The following WDR33 variants were observed in gnomAD, a reference collection of about 807,000 sequenced individuals.
The protein encoded by WDR33 is pre-mRNA 3' end processing protein WDR33.
Under a neutral mutation model 164.9 loss-of-function variants are expected in WDR33, and 47 were observed. The observed-to-expected ratio is 0.29, with a 90% CI of 0.23 to 0.36. The LOEUF is 0.36. Ranked by LOEUF, WDR33 falls within the 10% of genes least tolerant of loss-of-function variation. WDR33 has a pLI of 1.00. For missense variants in WDR33, 1,137 were observed against 1,754.1 expected (o/e 0.65, Z 6.28); for synonymous variants, 505 against 589.0 (o/e 0.86, Z 2.06).
chr2:127,805,949 TAAA>T (rs36092212), intron 1 of WDR33, among the ~76,000 whole-genome samples: 1 of 135,980 alleles, frequency 7.4e-6, no homozygotes, highest in East Asian at 2.2e-4. Flanking sequence ...AACTTTTGTT[TAAA>T]AAAAAAAAAA....
At chr2:127,734,232 A>C (rs13400433) in intron 7 of WDR33, among the ~76,000 whole-genome samples, 3,240 of 152,314 alleles carry the variant, frequency 0.021, 124 homozygotes, top group African/African-American at 0.075. Context: ...ACAACCATAA[A>C]CTAACTCCAC....
At chr2:127,774,555 C>T (rs760484711) in intron 1 of WDR33, among the ~76,000 whole-genome samples, 84 of 151,792 alleles carry the variant, frequency 5.5e-4, no homozygotes, top group Admixed American at 9.2e-4. Flanking sequence ...TGCTGCCAGG[C>T]GCGGCGGCTC....
At position 127,722,809 on chromosome 2, in the gene WDR33, A is replaced by G; in HGVS notation, c.1379-79T>C. 1 of 1,495,574 alleles carries G rather than the reference A, an allele frequency of 6.7e-7. No homozygotes were observed. The highest frequency in any genetic ancestry group is 1.3e-5 in the South Asian group (1 of 79,132). The allele number at this position is 1,495,574 out of a possible 1,614,324, so 92.6% of individuals were successfully genotyped here. ...TGATCAATGAACACATTATTGGAAG[A>G]ATAGATTTTAAGTATTATGTCATTT... On this transcript the variant is annotated intron_variant, in intron 13 of 21. Coordinates refer to ENST00000322313, the MANE Select transcript of WDR33 (RefSeq NM_018383.5). The surrounding 1 kb of genome is among the most constrained non-coding windows in gnomAD (Gnocchi z 5.1).
chr2:127,769,766 T>C (rs1399001912), intron 2 of WDR33, among the ~76,000 whole-genome samples: 2 of 152,158 alleles, frequency 1.3e-5, no homozygotes, highest in African/African-American at 4.8e-5. Context: ...AATATGCAAA[T>C]AGGTCTTTAA....
Position 127,763,670 on chromosome 2 carries a change from TCTGTAGAAAAGTTTCACATCTTC to T in WDR33, c.627-534_627-512del. 1 of 985,780 alleles carries T rather than the reference TCTGTAGAAAAGTTTCACATCTTC, an allele frequency of 1.0e-6. No homozygotes were observed. Among genetic ancestry groups the T allele is most frequent in the African/African-American group, 1.7e-5 (1 of 57,224 alleles). The allele number at this position is 985,780 out of a possible 1,614,324, so 61.1% of individuals were successfully genotyped here. On this transcript the variant is annotated intron_variant, in intron 6 of 21. Coordinates refer to ENST00000322313, the MANE Select transcript of WDR33 (RefSeq NM_018383.5). This position sits in a 1 kb window ranked among gnomAD's most constrained non-coding sequence, Gnocchi z 4.5. ...CAATGTTTCTCATCCATTTCAAAGGTCTGTAGAAAAGTTTCACATCTTCCTGGCAAGCTATTCCATGAATGTTG... is the reference window on the plus strand; with the variant it reads ...CAATGTTTCTCATCCATTTCAAAGGTCTGGCAAGCTATTCCATGAATGTTG...
rs775502796 is a variant in WDR33 at position 127,719,223 on chromosome 2, T to C, written c.2760+42A>G. ...TCAGCAGTATTACTTCTGTGCAGAGTGTATTTTCCCAATGTGCCCGTGAGT... is the reference window on the plus strand; with the variant it reads ...TCAGCAGTATTACTTCTGTGCAGAGCGTATTTTCCCAATGTGCCCGTGAGT... On this transcript the variant is annotated intron_variant, in intron 16 of 21. Transcript: ENST00000322313. The surrounding 1 kb of genome is among the most constrained non-coding windows in gnomAD (Gnocchi z 6.5). 2.2e-6 allele frequency: 3 copies of C among 1,389,236 alleles called. No individual in the cohort carries two copies. The Admixed American group carries it at 8.1e-5, about 37-fold the overall frequency. 86.1% of individuals were successfully genotyped at this position (1,389,236 alleles called of 1,614,324 possible).
chr2:127,763,641 C>T lies in WDR33; in HGVS notation c.627-482G>A, dbSNP rs1249275267. The T allele has an allele frequency of 2.0e-6, 2 of 987,850 alleles. No homozygotes were observed. Among genetic ancestry groups the T allele is most frequent in the Non-Finnish European group, 1.2e-6 (1 of 831,598 alleles). The allele number at this position is 987,850 out of a possible 1,614,324, so 61.2% of individuals were successfully genotyped here. ...AAAGACTGATTGCTAAACATCCCTA[C>T]ATACAATGTTTCTCATCCATTTCAA... On this transcript the variant is annotated intron_variant, in intron 6 of 21. Coordinates refer to ENST00000322313, the MANE Select transcript of WDR33 (RefSeq NM_018383.5). This position sits in a 1 kb window ranked among gnomAD's most constrained non-coding sequence, Gnocchi z 4.5.
intron 1 of WDR33, among the ~76,000 whole-genome samples, chr2:127,797,033 A>G (rs1689065341): frequency 6.6e-6 from 1 of 152,022 alleles, no homozygotes; most frequent in Non-Finnish European, 1.5e-5. Context: ...CAGTCATTCC[A>G]CCACACAAAG....
chr2:127,717,407 G>C lies in WDR33; in HGVS notation c.2761-144C>G. The C allele has an allele frequency of 1.5e-6, 1 of 646,540 alleles. No individual in the cohort carries two copies. The allele number at this position is 646,540 out of a possible 1,614,324, so 40.1% of individuals were successfully genotyped here. On this transcript the variant is annotated intron_variant, in intron 16 of 21. Transcript: ENST00000322313. This position sits in a 1 kb window ranked among gnomAD's most constrained non-coding sequence, Gnocchi z 5.6. Reference sequence around the variant, plus strand: ...CAGTAACATTGTCCTTAAATCAGGAGAAAGGAGATACTTCTTTTACTATAA... The same window carrying C: ...CAGTAACATTGTCCTTAAATCAGGACAAAGGAGATACTTCTTTTACTATAA...
chr2:127,724,215 T>C lies in WDR33; in HGVS notation c.1196+118A>G. ...TATTTGTAAACCACTACAAAAATAT[T>C]CCCAAGAATAAGTTGGAATATAAAT... On this transcript the variant is annotated intron_variant, in intron 11 of 21. Transcript: ENST00000322313. The surrounding 1 kb of genome is among the most constrained non-coding windows in gnomAD (Gnocchi z 4.8). 1.4e-6 allele frequency: 1 copy of C among 720,870 alleles called. No individual in the cohort carries two copies. The allele number at this position is 720,870 out of a possible 1,614,324, so 44.7% of individuals were successfully genotyped here.
intron 7 of WDR33, among the ~76,000 whole-genome samples, chr2:127,761,014 A>G (rs1365301505): frequency 6.6e-6 from 1 of 152,182 alleles, no homozygotes; most frequent in Non-Finnish European, 1.5e-5. Flanking sequence ...TGCACACTCT[A>G]AATTTCAAAG....
At position 127,719,600 on chromosome 2, in the gene WDR33, CTT is replaced by C; in HGVS notation, c.2423_2424del (p.Gln808ArgfsTer104). ...CCTGGAGGGTGAGGTCCTCTCATCTCTTGAGGCGGGTGGCCCATAATCATCCC... is the reference window on the plus strand; with the variant it reads ...CCTGGAGGGTGAGGTCCTCTCATCTCGAGGCGGGTGGCCCATAATCATCCC... ...PQGMIMGHPPQEMRGPHPPGG... is the reference protein window; with the variant it reads ...PQGMIMGHPPXEMRGPHPPGG... On this transcript the variant is annotated frameshift_variant, in exon 16 of 22. Transcript: ENST00000322313. LOFTEE classifies it high-confidence loss of function. The surrounding 1 kb of genome is among the most constrained non-coding windows in gnomAD (Gnocchi z 6.5). 1.9e-6 allele frequency: 3 copies of C among 1,613,928 alleles called. No individual in the cohort carries two copies. The highest frequency in any genetic ancestry group is 2.5e-6 in the Non-Finnish European group (3 of 1,179,972).
rs1408071602 is a variant in WDR33, at chr2:127,706,645, A to G, written c.3782-93T>C. ...AAACTTTACTCTCTGATGACAATGG[A>G]CCAGTTCTGGTGGGTGCCAGGGAGA... is the stretch of plus-strand genomic sequence containing the variant. On this transcript the variant is annotated intron_variant, in intron 21 of 21. Transcript: ENST00000322313. This position sits in a 1 kb window ranked among gnomAD's most constrained non-coding sequence, Gnocchi z 5.1. 8 of 1,196,106 alleles carry G rather than the reference A, an allele frequency of 6.7e-6. No homozygotes were observed. The East Asian group carries it at 1.5e-4, about 23-fold the overall frequency. The allele number at this position is 1,196,106 out of a possible 1,614,324, so 74.1% of individuals were successfully genotyped here. A position where few individuals can be genotyped will look rare whatever the true frequency, so the allele number is the denominator to read the frequency against.
At chr2:127,744,270 C>T (rs894378386) in intron 7 of WDR33, among the ~76,000 whole-genome samples, 1 of 152,010 alleles carries the variant, frequency 6.6e-6, no homozygotes, top group Non-Finnish European at 1.5e-5. Flanking sequence ...GGAAAATTTA[C>T]GTAAGTAACA....
intron 4 of WDR33, among the ~76,000 whole-genome samples, chr2:127,767,417 T>A (rs928633005): frequency 6.6e-6 from 1 of 152,162 alleles, no homozygotes; most frequent in Non-Finnish European, 1.5e-5. Flanking sequence ...AGTTTTAAAA[T>A]TAGTTTCAGT....
intron 1 of WDR33, among the ~76,000 whole-genome samples, chr2:127,806,397 G>A (rs1322966160): frequency 1.3e-5 from 2 of 151,856 alleles, no homozygotes; most frequent in East Asian, 1.9e-4. Flanking sequence ...TAGTAGAGAC[G>A]AGGTTACACA....
intron 1 of WDR33, among the ~76,000 whole-genome samples, chr2:127,786,870 T>A (rs893519271): frequency 1.4e-5 from 2 of 142,320 alleles, no homozygotes; most frequent in Non-Finnish European, 1.6e-5. Flanking sequence ...TTTTAATTTA[T>A]TTTTTTATTG....
intron 7 of WDR33, among the ~76,000 whole-genome samples, chr2:127,743,489 A>G (rs189522288): frequency 2.6e-5 from 4 of 152,210 alleles, no homozygotes; most frequent in Non-Finnish European, 5.9e-5. Context: ...TATCAATAGT[A>G]TCATTCATAG....
rs561135929 is a variant in WDR33 at position 127,710,399 on chromosome 2, C to G, written c.3309-543G>C. Among the ~76,000 whole-genome samples, 26 of 152,354 alleles carry G rather than the reference C, an allele frequency of 1.7e-4. No homozygotes were observed. Among genetic ancestry groups the G allele is most frequent in the Non-Finnish European group, 2.4e-4 (16 of 68,028 alleles). ...ATCGTGTCTGCCAACCATACTGGACCTGTCTGTAGGTAGGGGCTCTGCCAT... is the reference window on the plus strand; with the variant it reads ...ATCGTGTCTGCCAACCATACTGGACGTGTCTGTAGGTAGGGGCTCTGCCAT... On this transcript the variant is annotated intron_variant, in intron 18 of 21. Coordinates refer to ENST00000322313, the MANE Select transcript of WDR33 (RefSeq NM_018383.5). This position sits in a 1 kb window ranked among gnomAD's most constrained non-coding sequence, Gnocchi z 4.4.
Sources: allele counts gnomAD v4.1 joint callset (sites outside exome capture counted in the v4.1 genomes callset), GRCh38; gene constraint gnomAD v4.1.1; non-coding constraint Gnocchi (gnomAD v3.1); transcripts MANE v1.5; gene names NCBI Gene and HGNC (gene_info 2026-07-23, HGNC 2026-07-21).